MCPH1: variants seen among roughly 807,000 people sequenced by gnomAD.
The protein encoded by MCPH1 is microcephalin.
Under a neutral mutation model 84.5 loss-of-function variants are expected in MCPH1, and 104 were observed. The observed-to-expected ratio is 1.23, with a 90% CI of 1.05 to 1.45. The LOEUF (loss-of-function observed/expected upper bound fraction) is 1.45. MCPH1 is among the 40% of genes most tolerant of loss of function. MCPH1 has a pLI of 0.00. For missense variants in MCPH1, 1,498 were observed against 1,005.7 expected, an observed-to-expected ratio of 1.49 and a Z score of -6.62; for synonymous variants, 514 against 366.8, an observed-to-expected ratio of 1.40 and a Z score of -4.58.
At chr8:6,574,054 C>T (rs555815363) in intron 12 of MCPH1, among the ~76,000 whole-genome samples, 2 of 152,314 alleles carry the variant, frequency 1.3e-5, no homozygotes, top group South Asian at 4.1e-4. Context: ...CAAAAATAAA[C>T]ACACAAGAAA....
At chr8:6,448,445 G>A (rs554026856) in intron 8 of MCPH1, among the ~76,000 whole-genome samples, 18 of 152,320 alleles carry the variant, frequency 1.2e-4, no homozygotes, top group African/African-American at 3.8e-4. Flanking sequence ...CTGACAAGGC[G>A]GGCAGCTGTT....
chr8:6,423,105 G>T (rs895236442), intron 3 of MCPH1, among the ~76,000 whole-genome samples: 1 of 151,222 alleles, frequency 6.6e-6, no homozygotes, highest in Non-Finnish European at 1.5e-5. Context: ...ACAGGTAAGA[G>T]CCACCGTGCC....
intron 12 of MCPH1, among the ~76,000 whole-genome samples, chr8:6,560,000 T>C (rs1031552441): frequency 1.3e-5 from 2 of 152,216 alleles, no homozygotes; most frequent in Non-Finnish European, 2.9e-5. Flanking sequence ...GACCTTTTGA[T>C]GATGTGAAAC....
chr8:6,483,355 C>T (rs934932376), intron 11 of MCPH1, among the ~76,000 whole-genome samples: 4 of 152,052 alleles, frequency 2.6e-5, no homozygotes, highest in Non-Finnish European at 4.4e-5. Context: ...ATTAAGGAGC[C>T]AGAATAGCCA....
intron 8 of MCPH1, chr8:6,447,176 G>C: frequency 1.0e-6 from 1 of 985,366 alleles, no homozygotes; most frequent in Non-Finnish European, 1.2e-6. Flanking sequence ...CCCTTTTATA[G>C]TAATAAAGAT....
intron 12 of MCPH1, among the ~76,000 whole-genome samples, chr8:6,583,181 A>AT (rs907386616): frequency 1.8e-4 from 27 of 150,856 alleles, no homozygotes; most frequent in African/African-American, 2.4e-4. Flanking sequence ...TTTCAGAGTG[A>AT]TTTTTTTTTC....
At chr8:6,628,479 A>AAAC (rs1192477288) in intron 13 of MCPH1, among the ~76,000 whole-genome samples, 1 of 149,296 alleles carries the variant, frequency 6.7e-6, no homozygotes, top group Non-Finnish European at 1.5e-5. Context: ...CAAAAAAAAA[A>AAAC]AAAAAAAAAA....
chr8:6,552,469 C>T (rs971667778), intron 12 of MCPH1, among the ~76,000 whole-genome samples: 1 of 152,142 alleles, frequency 6.6e-6, no homozygotes, highest in African/African-American at 2.4e-5. Flanking sequence ...TAAACATGTG[C>T]TTTGAGGTAT....
intron 11 of MCPH1, among the ~76,000 whole-genome samples, chr8:6,488,898 G>C (rs1810253940): frequency 6.6e-6 from 1 of 152,068 alleles, no homozygotes. Flanking sequence ...GGGGTTGATA[G>C]GTGGAGAGGA....
intron 1 of MCPH1, among the ~76,000 whole-genome samples, chr8:6,406,910 C>A (rs1797794164): frequency 9.1e-6 from 1 of 110,404 alleles, no homozygotes; most frequent in Admixed American, 9.0e-5. Context: ...CCCAAAACCC[C>A]CGGCTGCCTG....
chr8:6,479,216 A>G (rs992635161), intron 10 of MCPH1, among the ~76,000 whole-genome samples: 1 of 152,016 alleles, frequency 6.6e-6, no homozygotes, highest in Non-Finnish European at 1.5e-5. Context: ...GCAGTGAGCC[A>G]TGATTGTACC....
chr8:6,642,734 C>T, intron 13 of MCPH1: 1 of 537,566 alleles, frequency 1.9e-6, no homozygotes, highest in Non-Finnish European at 3.4e-6. Flanking sequence ...GGGAACGTGC[C>T]CTGCATCTAA....
Position 6,504,077 on chromosome 8 carries a change from G to C in MCPH1, c.2214+4148G>C, listed in dbSNP as rs945628841. Among the ~76,000 whole-genome samples the C allele has an allele frequency of 2.6e-5, 4 of 152,254 alleles. No homozygotes were observed. In the East Asian group the frequency reaches 7.7e-4, roughly 29 times the overall value. ...CTCACGCCTGTAATCCCAGCACTTT[G>C]GGAGGCCGAGGTGGGTGGATCACGA... On this transcript the variant is annotated intron_variant, in intron 12 of 13. Transcript: ENST00000344683.
At chr8:6,437,708 G>C (rs1483666329) in intron 5 of MCPH1, among the ~76,000 whole-genome samples, 2 of 152,068 alleles carry the variant, frequency 1.3e-5, no homozygotes, top group Non-Finnish European at 2.9e-5. Context: ...TCTCGTCTTC[G>C]TCAAAGCTCA....
intron 13 of MCPH1, among the ~76,000 whole-genome samples, chr8:6,629,266 C>G (rs193245337): frequency 6.6e-6 from 1 of 152,252 alleles, no homozygotes; most frequent in East Asian, 1.9e-4. Flanking sequence ...AGTTTGGGAC[C>G]AGTGTGTCCA....
At chr8:6,441,010 G>C (rs1803431697) in intron 6 of MCPH1, among the ~76,000 whole-genome samples, 1 of 152,184 alleles carries the variant, frequency 6.6e-6, no homozygotes, top group Non-Finnish European at 1.5e-5. Context: ...GTGCCTCCCA[G>C]CTAAGCCATC....
intron 8 of MCPH1, among the ~76,000 whole-genome samples, chr8:6,453,985 A>G (rs1301293409): frequency 6.6e-6 from 1 of 152,194 alleles, no homozygotes; most frequent in Non-Finnish European, 1.5e-5. Flanking sequence ...TCAGGAAAGT[A>G]TTAACATTTT....
At chr8:6,618,014 C>G (rs1032074838) in intron 12 of MCPH1, among the ~76,000 whole-genome samples, 10 of 151,982 alleles carry the variant, frequency 6.6e-5, no homozygotes, top group African/African-American at 2.2e-4. Flanking sequence ...TTAAGCAATC[C>G]AACTACCTCA....
intron 12 of MCPH1, among the ~76,000 whole-genome samples, chr8:6,531,695 T>G (rs12674822): frequency 0.5 from 75,342 of 151,982 alleles, 19,862 homozygotes; most frequent in Non-Finnish European, 0.59. Context: ...GCCCAACCCT[T>G]TATATTATTT....
Sources: allele counts gnomAD v4.1 joint callset (sites outside exome capture counted in the v4.1 genomes callset), GRCh38; gene constraint gnomAD v4.1.1; transcripts MANE v1.5; gene names NCBI Gene and HGNC (gene_info 2026-07-23, HGNC 2026-07-21).